The following MBNL2 variants were observed in gnomAD, a reference collection of about 807,000 sequenced individuals.
The protein encoded by MBNL2 is muscleblind like splicing regulator 2.
In MBNL2, 17 loss-of-function variants were observed where a neutral mutation model predicts 41.9. The ratio of observed to expected loss-of-function variants is 0.41; its 90% CI spans 0.28 to 0.61. The LOEUF is 0.61. Ranked by LOEUF, MBNL2 falls within the 20% of genes least tolerant of loss-of-function variation. The probability of loss-of-function intolerance (pLI) is 0.35; values close to 1 mark genes in which losing one functional copy is unlikely to be tolerated. For missense variants in MBNL2, 336 were observed against 505.6 expected, an observed-to-expected ratio of 0.66 and a Z score of 3.22; for synonymous variants, 195 against 182.9, an observed-to-expected ratio of 1.07 and a Z score of -0.53.
chr13:97,232,896 C>T (rs567486999), intron 1 of MBNL2, among the ~76,000 whole-genome samples: 6 of 135,968 alleles, frequency 4.4e-5, no homozygotes, highest in South Asian at 2.3e-4. Flanking sequence ...TGTGTGCGCA[C>T]GTACACTGAA....
upstream of MBNL2, among the ~76,000 whole-genome samples, chr13:97,218,440 C>CAAACAAACA (rs1555302256): frequency 0.067 from 7,892 of 117,980 alleles, 328 homozygotes; most frequent in African/African-American, 0.079. Context: ...CAAAACAAAA[C>CAAACAAACA]AAAAAAAAAA....
rs1459580963 is a variant in MBNL2, at chr13:97,281,736, T to C, written c.174+5327T>C. On this transcript the variant is annotated intron_variant, in intron 2 of 8. Transcript: ENST00000679496. ...TGTTTATTATCAATAGTAATCATTG[T>C]AGTAACATAGAGCCTACTATATGCC... 3.3e-5 allele frequency among the ~76,000 whole-genome samples: 5 copies of C among 152,372 alleles called. No homozygotes were observed. In the East Asian group the frequency reaches 9.6e-4, roughly 29 times the overall value.
chr13:97,248,544 T>G (rs752940790), intron 1 of MBNL2, among the ~76,000 whole-genome samples: 10 of 152,182 alleles, frequency 6.6e-5, no homozygotes, highest in Non-Finnish European at 1.5e-4. Context: ...AGTCTCATAT[T>G]TCACCCCAGA....
Position 97,290,415 on chromosome 13 carries a change from G to C in MBNL2, c.174+14006G>C, listed in dbSNP as rs144163307. Among the ~76,000 whole-genome samples the C allele has an allele frequency of 2.2e-3, 330 of 151,738 alleles. 1 individual carries two copies. The highest frequency in any genetic ancestry group is 7.7e-3 in the African/African-American group (317 of 41,386). Reference sequence around the variant, plus strand: ...TCCTTGGCCGGGCGCGGTGGCTCACGCCTGTAATCCCAGCACTTTGGGAGG... The same window carrying C: ...TCCTTGGCCGGGCGCGGTGGCTCACCCCTGTAATCCCAGCACTTTGGGAGG... On this transcript the variant is annotated intron_variant, in intron 2 of 8. Transcript: ENST00000679496.
intron 7 of MBNL2, among the ~76,000 whole-genome samples, chr13:97,361,002 C>G (rs2063346977): frequency 6.6e-6 from 1 of 152,192 alleles, no homozygotes; most frequent in South Asian, 2.1e-4. Context: ...ATAAGCACAA[C>G]AAAATTTATT....
the MBNL2 span, among the ~76,000 whole-genome samples, chr13:97,162,556 G>A: frequency 6.6e-6 from 1 of 152,164 alleles, no homozygotes. Flanking sequence ...TTATGGCTGA[G>A]GGAATTATAA....
chr13:97,194,811 A>T, the MBNL2 span, among the ~76,000 whole-genome samples: 1 of 152,198 alleles, frequency 6.6e-6, no homozygotes, highest in Admixed American at 6.5e-5. Context: ...CAGCGCCATG[A>T]CCATTTACAA....
chr13:97,281,256 A>G (rs1158102654), intron 2 of MBNL2, among the ~76,000 whole-genome samples: 1 of 152,206 alleles, frequency 6.6e-6, no homozygotes, highest in Non-Finnish European at 1.5e-5. Context: ...ATCACAGTCC[A>G]TGTGATTGAC....
the MBNL2 span, among the ~76,000 whole-genome samples, chr13:97,203,700 C>T: frequency 6.6e-6 from 1 of 152,180 alleles, no homozygotes; most frequent in African/African-American, 2.4e-5. Flanking sequence ...TACTACTCTA[C>T]CTAACCTTCA....
chr13:97,183,693 T>C, the MBNL2 span, among the ~76,000 whole-genome samples: 1 of 152,232 alleles, frequency 6.6e-6, no homozygotes, highest in African/African-American at 2.4e-5. Flanking sequence ...GGCATTGTCC[T>C]GTGCACCTTC....
Position 97,272,928 on chromosome 13 carries a change from CA to C in MBNL2, c.-604-2703del, listed in dbSNP as rs199500820. Among the ~76,000 whole-genome samples the C allele has an allele frequency of 6.5e-3, 984 of 152,148 alleles. 11 individuals carry two copies. Among genetic ancestry groups the C allele is most frequent in the African/African-American group, 0.023 (934 of 41,502 alleles). On this transcript the variant is annotated intron_variant, in intron 1 of 8. Transcript: ENST00000679496. The stretch of plus-strand genomic sequence containing the variant: ...TAGTAAGTTGAAATGGAAATTCTCC[CA>C]GGGGGAAAAAATATATATTTCTTCC...
chr13:97,291,580 C>G (rs1265605529), intron 2 of MBNL2, among the ~76,000 whole-genome samples: 1 of 152,114 alleles, frequency 6.6e-6, no homozygotes, highest in African/African-American at 2.4e-5. Context: ...TCCATTTGCT[C>G]TTTACCTTTG....
At chr13:97,194,302 A>G in the MBNL2 span, among the ~76,000 whole-genome samples, 7 of 152,322 alleles carry the variant, frequency 4.6e-5, no homozygotes, top group Non-Finnish European at 8.8e-5. Context: ...TATATCTTCA[A>G]TGCCTACCAC....
chr13:97,161,986 T>C, the MBNL2 span, among the ~76,000 whole-genome samples: 2 of 152,208 alleles, frequency 1.3e-5, no homozygotes, highest in African/African-American at 4.8e-5. Flanking sequence ...GAGGTTTAAT[T>C]GGCTCGTGGT....
At chr13:97,365,551 T>A (rs2063780499) in intron 8 of MBNL2, among the ~76,000 whole-genome samples, 1 of 152,232 alleles carries the variant, frequency 6.6e-6, no homozygotes, top group South Asian at 2.1e-4. Flanking sequence ...TTATCTCCTC[T>A]TTGCTGTGTG....
intron 5 of MBNL2, among the ~76,000 whole-genome samples, chr13:97,353,691 G>A (rs2062711407): frequency 6.6e-6 from 1 of 152,096 alleles, no homozygotes; most frequent in Non-Finnish European, 1.5e-5. Context: ...ATGAGAATAA[G>A]ACAGACAGAA....
intron 3 of MBNL2, among the ~76,000 whole-genome samples, chr13:97,336,434 A>C (rs1479696268): frequency 1.3e-5 from 2 of 152,162 alleles, no homozygotes; most frequent in East Asian, 3.8e-4. Flanking sequence ...GATGGGATTA[A>C]ATTAAGAATC....
chr13:97,339,433 A>G (rs2061240739), intron 3 of MBNL2, among the ~76,000 whole-genome samples: 3 of 152,246 alleles, frequency 2.0e-5, no homozygotes, highest in African/African-American at 4.8e-5. Context: ...ATTTTCTTCA[A>G]GAAGGCTTCC....
At chr13:97,184,375 C>A in the MBNL2 span, among the ~76,000 whole-genome samples, 10 of 152,184 alleles carry the variant, frequency 6.6e-5, no homozygotes, top group Admixed American at 1.3e-4. Flanking sequence ...AACCTTACTG[C>A]TCCCTGGGTT....
Sources: allele counts gnomAD v4.1 joint callset (sites outside exome capture counted in the v4.1 genomes callset), GRCh38; gene constraint gnomAD v4.1.1; transcripts MANE v1.5; gene names NCBI Gene and HGNC (gene_info 2026-07-23, HGNC 2026-07-21).